Variants in TNR observed in about 807,000 individuals in gnomAD.
TNR encodes tenascin R.
A neutral mutation model predicts 150.4 loss-of-function variants in TNR; 45 were observed. The ratio of observed to expected loss-of-function variants is 0.30; its 90% CI spans 0.24 to 0.38. TNR has a LOEUF of 0.38. Ranked by LOEUF, TNR falls within the 10% of genes least tolerant of loss-of-function variation. The pLI is 1.00. For missense variants in TNR, 1,544 were observed against 1,759.1 expected (o/e 0.88, Z 2.19); for synonymous variants, 687 against 678.4 (o/e 1.01, Z -0.20).
chr1:175,559,418 C>G (rs1291232863), intron 1 of TNR, among the ~76,000 whole-genome samples: 1 of 152,034 alleles, frequency 6.6e-6, no homozygotes, highest in Non-Finnish European at 1.5e-5. Context: ...ATCCAACCAC[C>G]AGCTTAAGAA....
intron 14 of TNR, among the ~76,000 whole-genome samples, chr1:175,361,798 T>C (rs1651600364): frequency 1.3e-5 from 2 of 152,216 alleles, no homozygotes; most frequent in Admixed American, 6.5e-5. Context: ...AATAGAACAC[T>C]TTGGCTGTGC....
chr1:175,513,884 T>G (rs1659296348), intron 2 of TNR, among the ~76,000 whole-genome samples: 1 of 152,206 alleles, frequency 6.6e-6, no homozygotes, highest in African/African-American at 2.4e-5. Context: ...AAATGTAGAT[T>G]CTGATTCTGA....
chr1:175,429,028 T>G, intron 2 of TNR, among the ~76,000 whole-genome samples: 1 of 152,194 alleles, frequency 6.6e-6, no homozygotes. Context: ...GCCAAGGATT[T>G]AAGAGTTTCA....
intron 2 of TNR, among the ~76,000 whole-genome samples, chr1:175,451,161 T>G (rs574255058): frequency 2.2e-4 from 33 of 151,704 alleles, no homozygotes; most frequent in Non-Finnish European, 4.6e-4. Context: ...TTGAGGAAAC[T>G]GAGGCCCAAA....
At chr1:175,458,470 C>T (rs971510395) in intron 2 of TNR, among the ~76,000 whole-genome samples, 10 of 152,118 alleles carry the variant, frequency 6.6e-5, no homozygotes, top group African/African-American at 2.4e-4. Context: ...ATAATTAACG[C>T]AATATATGAG....
chr1:175,568,786 G>A (rs1661748902), intron 1 of TNR, among the ~76,000 whole-genome samples: 2 of 152,184 alleles, frequency 1.3e-5, no homozygotes, highest in Admixed American at 6.5e-5. Flanking sequence ...GACTCTTGAA[G>A]GAAGCCATAA....
chr1:175,526,381 G>A (rs1659848347), intron 2 of TNR, among the ~76,000 whole-genome samples: 2 of 152,118 alleles, frequency 1.3e-5, no homozygotes, highest in Admixed American at 1.3e-4. Context: ...ACTCTGTCCT[G>A]GGCCCCTTCC....
At chr1:175,733,107 A>G (rs1219850852) in intron 1 of TNR, among the ~76,000 whole-genome samples, 1 of 152,240 alleles carries the variant, frequency 6.6e-6, no homozygotes, top group Non-Finnish European at 1.5e-5. Context: ...CGTTAGAAGT[A>G]AAAATGCTAT....
intron 2 of TNR, among the ~76,000 whole-genome samples, chr1:175,484,790 G>T (rs1327668769): frequency 6.6e-6 from 1 of 152,202 alleles, no homozygotes; most frequent in Non-Finnish European, 1.5e-5. Flanking sequence ...GAGGGGACTG[G>T]CAGGTCAGCT....
chr1:175,718,945 C>T (rs879614695), intron 1 of TNR, among the ~76,000 whole-genome samples: 9 of 152,196 alleles, frequency 5.9e-5, no homozygotes, highest in South Asian at 2.1e-4. Flanking sequence ...CCAGCAAGGA[C>T]GTTCACTTTC....
At chr1:175,331,084 T>TC (rs57579835) in intron 20 of TNR, among the ~76,000 whole-genome samples, 20 of 104,042 alleles carry the variant, frequency 1.9e-4, no homozygotes, top group East Asian at 5.8e-4. Context: ...TTTCCTTCTT[T>TC]CTTTCTTTCT....
chr1:175,426,864 A>T (rs927052381), intron 2 of TNR, among the ~76,000 whole-genome samples: 2 of 73,528 alleles, frequency 2.7e-5, no homozygotes, highest in African/African-American at 1.3e-4. Flanking sequence ...AATATATATA[A>T]AATATATTAT....
intron 18 of TNR, among the ~76,000 whole-genome samples, chr1:175,344,840 C>T (rs566815010): frequency 1.2e-4 from 18 of 152,136 alleles, no homozygotes; most frequent in African/African-American, 2.7e-4. Flanking sequence ...GGGAACATTG[C>T]GCAACTCATT....
intron 1 of TNR, among the ~76,000 whole-genome samples, chr1:175,686,015 G>C (rs1666189012): frequency 6.6e-6 from 1 of 151,846 alleles, no homozygotes; most frequent in African/African-American, 2.4e-5. Flanking sequence ...TCTACCACCA[G>C]GCTTGAGACT....
intron 21 of TNR, among the ~76,000 whole-genome samples, chr1:175,328,753 GAGGGAGCAAGGGCCAGGCCCA>G (rs944481202): frequency 2.2e-4 from 33 of 152,326 alleles, no homozygotes; most frequent in Non-Finnish European, 5.9e-5. Flanking sequence ...AGCTGGAACA[GAGGGAGCAAGGGCCAGGCCCA>G]AGCAAGGCAG....
Position 175,406,269 on chromosome 1 carries a change from G to A in TNR, c.446C>T (p.Ser149Leu), listed in dbSNP as rs750811658. 23 of 1,614,008 alleles carry A rather than the reference G, an allele frequency of 1.4e-5. No homozygotes were observed. The highest frequency in any genetic ancestry group is 1.6e-4 in the Middle Eastern group (1 of 6,084). The change falls in exon 3 of 23, where the codon TCG becomes TTG. Residue 149 changes from serine to leucine, a missense_variant. Ser to Leu is a moderately radical substitution (Grantham distance 145). This residue lies in a region of TNR where 1,254 missense variants were observed against 1,329.4 expected (regional missense o/e 0.94). Transcript: ENST00000367674. ...GGCGTTGCACTGGTCTCGCAGCACCGACACCTCCCTCTCCAGCATCTCGAT... is the reference window on the plus strand; with the variant it reads ...GGCGTTGCACTGGTCTCGCAGCACCAACACCTCCCTCTCCAGCATCTCGAT... ...SRIEMLEREV[S>L]VLRDQCNANC...
At chr1:175,328,663 T>G (rs925713765) in intron 21 of TNR, among the ~76,000 whole-genome samples, 3 of 152,222 alleles carry the variant, frequency 2.0e-5, no homozygotes, top group African/African-American at 7.2e-5. Flanking sequence ...AGCCAAACTG[T>G]TGGCAGGATC....
At chr1:175,556,293 T>A (rs1661157361) in intron 1 of TNR, among the ~76,000 whole-genome samples, 2 of 152,210 alleles carry the variant, frequency 1.3e-5, no homozygotes, top group South Asian at 4.1e-4. Flanking sequence ...TAGTAGGCAG[T>A]TTTAGCCACA....
chr1:175,666,086 AG>A (rs1408165410), intron 1 of TNR, among the ~76,000 whole-genome samples: 1 of 152,240 alleles, frequency 6.6e-6, no homozygotes, highest in Non-Finnish European at 1.5e-5. Flanking sequence ...CTGTCCTCTC[AG>A]GGGTGTTAGA....
Sources: gnomAD v4.1 joint callset for allele counts (sites outside exome capture counted in the v4.1 genomes callset) on GRCh38, gnomAD v4.1.1 for gene constraint, gnomAD v4.1.1 regional missense constraint, MANE v1.5 for transcripts, NCBI Gene and HGNC (gene_info 2026-07-23, HGNC 2026-07-21) for gene names.